The following HTR1E variants were observed in gnomAD, a reference collection of about 807,000 sequenced individuals.
The protein encoded by HTR1E is 5-HT-1E.
HTR1E carries 3 observed loss-of-function variants against 3.4 expected under a neutral mutation model. The observed-to-expected ratio is 0.89, with a 90% CI of 0.41 to 2.31. The LOEUF is 2.31. Ranked by LOEUF, HTR1E falls within the 30% of genes most tolerant of loss-of-function variation. The pLI, the probability that HTR1E is intolerant of heterozygous loss-of-function variation, is 0.05. For synonymous variants in HTR1E, 170 were observed against 182.8 expected, an observed-to-expected ratio of 0.93 and a Z score of 0.56; for missense variants, 392 against 467.0, an observed-to-expected ratio of 0.84 and a Z score of 1.48.
At chr6:86,965,806 G>C (rs1767464087) in intron 1 of HTR1E, among the ~76,000 whole-genome samples, 1 of 152,098 alleles carries the variant, frequency 6.6e-6, no homozygotes, top group Non-Finnish European at 1.5e-5. Context: ...TAAGCTATAA[G>C]GATGCAAAGG....
In HTR1E at chr6:87,015,660, C is replaced by T. The variant is rs552106885; in HGVS notation, c.326C>T (p.Ser109Phe). The T allele has an allele frequency of 6.2e-7, 1 of 1,614,156 alleles. No homozygotes were observed. The highest frequency in any genetic ancestry group is 1.1e-5 in the South Asian group (1 of 91,078). The change falls in exon 2 of 2, where the codon TCC (serine) becomes TTC (phenylalanine). Residue 109 changes from serine (S) to phenylalanine (F), a missense_variant. Physicochemically the swap from Ser to Phe is radical, Grantham distance 155. Around this residue, in one of 3 missense-constraint regions of HTR1E, gnomAD observed 189 missense variants for 258.0 expected, o/e 0.73. Transcript: ENST00000305344. ...GTGGACATGACCTGCTGCACCTGCTCCATCCTCCACCTCTGTGTCATTGCC... is the reference window on the plus strand; with the variant it reads ...GTGGACATGACCTGCTGCACCTGCTTCATCCTCCACCTCTGTGTCATTGCC... ...LSVDMTCCTC[S>F]ILHLCVIALD...
chr6:86,993,956 T>C (rs1055737478), intron 1 of HTR1E, among the ~76,000 whole-genome samples: 3 of 152,036 alleles, frequency 2.0e-5, no homozygotes, highest in Non-Finnish European at 4.4e-5. Flanking sequence ...AAGAACCAAG[T>C]TGACATTTTA....
At chr6:86,939,250 G>A (rs538337107) in intron 1 of HTR1E, among the ~76,000 whole-genome samples, 4 of 152,320 alleles carry the variant, frequency 2.6e-5, no homozygotes, top group Admixed American at 2.0e-4. Flanking sequence ...GAGTTGTGAT[G>A]ATGAAGCCCA....
chr6:86,971,654 T>C (rs1767558607), intron 1 of HTR1E, among the ~76,000 whole-genome samples: 1 of 152,080 alleles, frequency 6.6e-6, no homozygotes, highest in South Asian at 2.1e-4. Flanking sequence ...AACTGGGTGA[T>C]GAAAAAGATA....
intron 1 of HTR1E, among the ~76,000 whole-genome samples, chr6:86,962,256 T>A (rs531354369): frequency 2.0e-5 from 3 of 152,320 alleles, no homozygotes; most frequent in Non-Finnish European, 2.9e-5. Flanking sequence ...TTCCTGGAGT[T>A]GCTTGGGTCA....
chr6:86,971,740 A>C (rs1044967098), intron 1 of HTR1E, among the ~76,000 whole-genome samples: 2 of 152,208 alleles, frequency 1.3e-5, no homozygotes, highest in Non-Finnish European at 2.9e-5. Context: ...GGGGATGTGC[A>C]GGTTTTGACA....
In HTR1E at chr6:86,954,163, CAA is replaced by C. The variant is rs1300894496; in HGVS notation, c.-186+16342_-186+16343del. 5.9e-5 allele frequency among the ~76,000 whole-genome samples: 9 copies of C among 152,156 alleles called. No homozygotes were observed. In the South Asian group the frequency reaches 1.9e-3, roughly 32 times the overall value. ...ACAACAAGGGATATTATGAAGAAGT[CAA>C]AGATAATTTGTATAGCCAGACACCA... On this transcript the variant is annotated intron_variant, in intron 1 of 1. Coordinates refer to ENST00000305344, the MANE Select transcript of HTR1E (RefSeq NM_000865.3).
At chr6:86,939,152 T>C (rs1562056133) in intron 1 of HTR1E, among the ~76,000 whole-genome samples, 2 of 152,192 alleles carry the variant, frequency 1.3e-5, no homozygotes, top group Admixed American at 6.5e-5. Flanking sequence ...AATAAATGAA[T>C]GGAGGCATTT....
chr6:86,952,335 T>C (rs577513253), intron 1 of HTR1E, among the ~76,000 whole-genome samples: 4 of 152,240 alleles, frequency 2.6e-5, no homozygotes, highest in African/African-American at 9.6e-5. Context: ...CAGCTATAGT[T>C]AGCTGTCTAT....
chr6:87,015,434 A>T lies in HTR1E; in HGVS notation c.100A>T (p.Thr34Ser). The change falls in exon 2 of 2, where the codon ACC (threonine) becomes TCC (serine). Residue 34 changes from threonine to serine, a missense_variant. This residue lies in a region of HTR1E where 189 missense variants were observed against 258.0 expected (regional missense o/e 0.73). Coordinates refer to ENST00000305344, the MANE Select transcript of HTR1E (RefSeq NM_000865.3). ...TTGCATGACTCTGGTGGTCATCACC[A>T]CCCTCACCACGTTGCTGAACTTGGC... ...LICMTLVVIT[T>S]LTTLLNLAVI... The T allele has an allele frequency of 6.2e-7, 1 of 1,613,834 alleles. No individual in the cohort carries two copies. Among genetic ancestry groups the T allele is most frequent in the Non-Finnish European group, 8.5e-7 (1 of 1,179,942 alleles).
chr6:86,946,434 T>C (rs1418895177), intron 1 of HTR1E, among the ~76,000 whole-genome samples: 1 of 152,252 alleles, frequency 6.6e-6, no homozygotes, highest in African/African-American at 2.4e-5. Flanking sequence ...ATAGCCTAGG[T>C]GTGCAGTAGG....
intron 1 of HTR1E, among the ~76,000 whole-genome samples, chr6:86,951,822 A>T (rs1767248207): frequency 6.6e-6 from 1 of 152,194 alleles, no homozygotes; most frequent in Non-Finnish European, 1.5e-5. Context: ...GCAAATAAGA[A>T]TGTCACCTGA....
intron 1 of HTR1E, among the ~76,000 whole-genome samples, chr6:87,010,503 C>T: frequency 1.4e-5 from 2 of 140,404 alleles, no homozygotes; most frequent in Non-Finnish European, 1.5e-5. Flanking sequence ...TCCTCACATC[C>T]CAGATGGGGC....
At chr6:87,005,619 C>T (rs1301542646) in intron 1 of HTR1E, among the ~76,000 whole-genome samples, 4 of 152,124 alleles carry the variant, frequency 2.6e-5, no homozygotes, top group Admixed American at 2.6e-4. Context: ...AAATCTAAGA[C>T]CTCAAACTAT....
intron 1 of HTR1E, among the ~76,000 whole-genome samples, chr6:86,997,275 G>A (rs1767953312): frequency 6.6e-6 from 1 of 151,842 alleles, no homozygotes; most frequent in African/African-American, 2.4e-5. Flanking sequence ...TTCTCTCTAA[G>A]ATAGGGAATA....
intron 1 of HTR1E, among the ~76,000 whole-genome samples, chr6:86,950,153 A>G (rs773188739): frequency 6.6e-6 from 1 of 152,260 alleles, no homozygotes; most frequent in Non-Finnish European, 1.5e-5. Context: ...GTTAAATATT[A>G]AGAGTCAGGT....
At chr6:86,974,385 T>A (rs1767601364) in intron 1 of HTR1E, among the ~76,000 whole-genome samples, 1 of 152,218 alleles carries the variant, frequency 6.6e-6, no homozygotes, top group Admixed American at 6.5e-5. Flanking sequence ...GAATCAAGTG[T>A]TGCATTTAAT....
chr6:86,938,114 A>G (rs1768495708), intron 1 of HTR1E, among the ~76,000 whole-genome samples: 1 of 152,162 alleles, frequency 6.6e-6, no homozygotes, highest in Admixed American at 6.5e-5. Context: ...TTCCTTGCAA[A>G]AGGATTAGAG....
At chr6:86,994,701 A>C (rs991000495) in intron 1 of HTR1E, among the ~76,000 whole-genome samples, 4 of 152,192 alleles carry the variant, frequency 2.6e-5, no homozygotes, top group Non-Finnish European at 5.9e-5. Flanking sequence ...AAGAGTGAAA[A>C]TATGAATCAA....
Sources: gnomAD v4.1 joint callset for allele counts (sites outside exome capture counted in the v4.1 genomes callset) on GRCh38, gnomAD v4.1.1 for gene constraint, gnomAD v4.1.1 regional missense constraint, MANE v1.5 for transcripts, NCBI Gene and HGNC (gene_info 2026-07-23, HGNC 2026-07-21) for gene names.